ANK3: variants seen among roughly 807,000 people sequenced by gnomAD.
ANK3 encodes the protein ankyrin-3.
ANK3 carries 57 observed loss-of-function variants against 370.9 expected under a neutral mutation model. The ratio of observed to expected loss-of-function variants is 0.15; its 90% CI spans 0.12 to 0.19. The LOEUF is 0.19. Among genes scored for constraint, ANK3 ranks in the 10% least tolerant of loss-of-function variants. The probability of loss-of-function intolerance (pLI) is 1.00; values close to 1 mark genes in which losing one functional copy is unlikely to be tolerated. For missense variants in ANK3, 4,439 were observed against 5,302.1 expected (o/e 0.84, Z 5.06); for synonymous variants, 1,929 against 1,946.3 (o/e 0.99, Z 0.23).
At chr10:60,033,469 C>T (rs1047942668) in intron 43 of ANK3, among the ~76,000 whole-genome samples, 1 of 134,700 alleles carries the variant, frequency 7.4e-6, no homozygotes, top group South Asian at 2.5e-4. Context: ...GAGCTGAAAT[C>T]GGGCCATCAC....
intron 2 of ANK3, among the ~76,000 whole-genome samples, chr10:60,395,617 GT>G (rs2063216594): frequency 1.7e-5 from 1 of 60,186 alleles, no homozygotes; most frequent in Non-Finnish European, 3.7e-5. Context: ...TCTCTCTTTC[GT>G]TCTCTCTCTC....
At chr10:60,699,348 A>T (rs1418196910) in intron 1 of ANK3, among the ~76,000 whole-genome samples, 1 of 152,170 alleles carries the variant, frequency 6.6e-6, no homozygotes, top group Non-Finnish European at 1.5e-5. Context: ...ACCCTGTTTT[A>T]TTCAAGTAAT....
intron 23 of ANK3, among the ~76,000 whole-genome samples, chr10:60,164,055 C>T (rs1188475631): frequency 6.6e-6 from 1 of 152,144 alleles, no homozygotes; most frequent in African/African-American, 2.4e-5. Context: ...GACTATCAGG[C>T]AAATGAGTCA....
chr10:60,594,119 T>C (rs886617344), intron 2 of ANK3, among the ~76,000 whole-genome samples: 1 of 152,218 alleles, frequency 6.6e-6, no homozygotes, highest in Non-Finnish European at 1.5e-5. Context: ...ATAATTTTCA[T>C]ATGAAACATG....
At chr10:60,190,439 C>A (rs1013331423) in intron 16 of ANK3, among the ~76,000 whole-genome samples, 2 of 152,174 alleles carry the variant, frequency 1.3e-5, no homozygotes, top group Non-Finnish European at 2.9e-5. Flanking sequence ...AACAAACAAA[C>A]CCCCAAACCA....
intron 1 of ANK3, among the ~76,000 whole-genome samples, chr10:60,329,643 C>G (rs896116100): frequency 3.3e-5 from 5 of 151,984 alleles, no homozygotes; most frequent in African/African-American, 1.2e-4. Flanking sequence ...AGGATACAAA[C>G]AAATGGAAAA....
chr10:60,563,359 C>A (rs868237513), intron 2 of ANK3, among the ~76,000 whole-genome samples: 3 of 152,182 alleles, frequency 2.0e-5, no homozygotes, highest in Admixed American at 6.5e-5. Context: ...CCCAAGCTAA[C>A]CTTACTGGCT....
Position 60,071,993 on chromosome 10 carries a change from C to T in ANK3, c.8888G>A (p.Arg2963Lys). Residue 2963 changes from arginine to lysine, a missense_variant, in exon 37 of 44, where the codon AGA (arginine) becomes AAA (lysine). Around this residue, in one of 13 missense-constraint regions of ANK3, gnomAD observed 1,601 missense variants for 1,731.7 expected, o/e 0.92. Transcript: ENST00000280772. ...ESSAVSHIPV[R>K]VADERRMLSS... is the part of the protein sequence containing the mutation. ...CAGCATTCTCCTCTCATCAGCAACT[C>T]TGACGGGAATGTGTGACACTGCTGA... 1 of 1,614,102 alleles carries T rather than the reference C, an allele frequency of 6.2e-7. No homozygotes were observed. The highest frequency in any genetic ancestry group is 8.5e-7 in the Non-Finnish European group (1 of 1,179,994).
At chr10:60,545,245 A>G (rs1464331192) in intron 2 of ANK3, among the ~76,000 whole-genome samples, 2 of 152,030 alleles carry the variant, frequency 1.3e-5, no homozygotes, top group Non-Finnish European at 2.9e-5. Flanking sequence ...TCATACAAGA[A>G]AGATACCAAA....
At chr10:60,327,506 G>A (rs1289736509) in intron 1 of ANK3, among the ~76,000 whole-genome samples, 2 of 152,060 alleles carry the variant, frequency 1.3e-5, no homozygotes, top group South Asian at 2.1e-4. Flanking sequence ...TCCTTATACC[G>A]CAGTAAAACT....
At chr10:60,142,413 G>A (rs190748391) in intron 23 of ANK3, among the ~76,000 whole-genome samples, 6 of 152,178 alleles carry the variant, frequency 3.9e-5, no homozygotes, top group Admixed American at 3.3e-4. Flanking sequence ...CCATTGGCTG[G>A]TGAGATCCCC....
At chr10:60,619,897 A>G (rs1295774908) in intron 1 of ANK3, among the ~76,000 whole-genome samples, 1 of 152,144 alleles carries the variant, frequency 6.6e-6, no homozygotes. Flanking sequence ...TTTCTCAGCA[A>G]TTGCTCTCCA....
rs865910336 is a variant in ANK3 at position 60,389,442 on chromosome 10, G to A, written c.97C>T (p.Arg33Trp). The A allele has an allele frequency of 3.7e-6, 6 of 1,613,698 alleles. No individual in the cohort carries two copies. Among genetic ancestry groups the A allele is most frequent in the South Asian group, 2.2e-5 (2 of 91,054 alleles). Residue 33 changes from arginine (R) to tryptophan (W), a missense_variant, in exon 1 of 44, where the codon CGG becomes TGG. Around this residue, in one of 13 missense-constraint regions of ANK3, gnomAD observed 54 missense variants for 52.7 expected, o/e 1.02. Transcript: ENST00000280772. ...EKKRKHRKRS[R>W]DRKKKSDANA... ...ATAGATACCTTTTTCTTCCGATCCCGGGACCGTTTGCGGTGTTTCCTTTTT... is the reference window on the plus strand; with the variant it reads ...ATAGATACCTTTTTCTTCCGATCCCAGGACCGTTTGCGGTGTTTCCTTTTT...
At chr10:60,230,139 A>G (rs138052944) in intron 8 of ANK3, among the ~76,000 whole-genome samples, 1,953 of 152,290 alleles carry the variant, frequency 0.013, 16 homozygotes, top group Non-Finnish European at 0.022. Context: ...AAGTCTCAAA[A>G]TGGTTCGGAT....
intron 43 of ANK3, among the ~76,000 whole-genome samples, chr10:60,030,890 C>T (rs1371515124): frequency 6.6e-6 from 1 of 152,164 alleles, no homozygotes; most frequent in Non-Finnish European, 1.5e-5. Flanking sequence ...TCTTCTAGTT[C>T]TGTCTGAAGC....
chr10:60,222,054 T>A (rs1428156392), intron 8 of ANK3, among the ~76,000 whole-genome samples: 3 of 152,214 alleles, frequency 2.0e-5, no homozygotes, highest in Admixed American at 1.3e-4. Context: ...GCACAACTCT[T>A]TCAACTGTAG....
At position 60,186,721 on chromosome 10, in the gene ANK3, G is replaced by A. The variant is rs754619210; in HGVS notation, c.2079C>T (p.Ser693=). 7 of 1,613,776 alleles carry A rather than the reference G, an allele frequency of 4.3e-6. No homozygotes were observed. The East Asian group carries it at 1.6e-4, about 36-fold the overall frequency. The part of the protein sequence containing the change: ...LLGRNANVNL[S]NKSGLTPLHL... Reference sequence around the variant, plus strand: ...CAAGAAAGAAGTGGGTTACCTTATTGCTCAGGTTCACATTCGCATTTCTAC... The same window carrying A: ...CAAGAAAGAAGTGGGTTACCTTATTACTCAGGTTCACATTCGCATTTCTAC... Residue 693 remains serine, a synonymous_variant, in exon 17 of 44, where the codon AGC becomes AGT. Transcript: ENST00000280772.
intron 2 of ANK3, among the ~76,000 whole-genome samples, chr10:60,596,564 T>C (rs1282775062): frequency 9.2e-5 from 14 of 152,172 alleles, no homozygotes; most frequent in East Asian, 1.9e-4. Flanking sequence ...TTAGAATACA[T>C]GTTGAGAAGT....
intron 2 of ANK3, among the ~76,000 whole-genome samples, chr10:60,433,317 A>G (rs183078277): frequency 6.6e-6 from 1 of 152,122 alleles, no homozygotes; most frequent in Non-Finnish European, 1.5e-5. Flanking sequence ...AGAACTTGTC[A>G]TGCTCTCCTC....
Sources: gnomAD v4.1 joint callset for allele counts (sites outside exome capture counted in the v4.1 genomes callset) on GRCh38, gnomAD v4.1.1 for gene constraint, gnomAD v4.1.1 regional missense constraint, MANE v1.5 for transcripts, NCBI Gene and HGNC (gene_info 2026-07-23, HGNC 2026-07-21) for gene names.